WDR13: variants seen among roughly 807,000 people sequenced by gnomAD.
WDR13 encodes WD repeat domain 13.
A neutral mutation model predicts 28.6 loss-of-function variants in WDR13; 1 was observed. That is an observed-to-expected ratio of 0.03 (90% CI 0.01 to 0.17). The LOEUF is 0.17. Among genes scored for constraint, WDR13 ranks in the 10% least tolerant of loss-of-function variants. The probability of loss-of-function intolerance (pLI) is 1.00; values close to 1 mark genes in which losing one functional copy is unlikely to be tolerated. For synonymous variants in WDR13, 201 were observed against 185.9 expected, an observed-to-expected ratio of 1.08 and a Z score of -0.66; for missense variants, 264 against 469.3, an observed-to-expected ratio of 0.56 and a Z score of 4.04.
At chrX:48,604,444 G>A in intron 9 of WDR13, 54 bp downstream of exon 9, 4 of 1,076,311 alleles carry the variant, frequency 3.7e-6, no homozygotes, top group South Asian at 1.9e-5. Flanking sequence ...CAGGAACCAG[G>A]GCTGGTGCCA....
rs2062233833 is a variant in WDR13 at position 48,608,308 on chromosome X, G to C, written c.*3276G>C. ...CCCCAGCTGATTTTTGCAGAGATGG[G>C]TTTTGCCATGTTGCCCAGGCTGGCC... is the stretch of plus-strand genomic sequence containing the variant. On this transcript the variant is annotated 3_prime_UTR_variant, in exon 10 of 10. Coordinates refer to ENST00000376729, the MANE Select transcript of WDR13 (RefSeq NM_001347217.2). 9.1e-6 allele frequency: 1 copy of C among 110,113 alleles called. No individual in the cohort carries two copies. The highest frequency in any genetic ancestry group is 1.9e-5 in the Non-Finnish European group (1 of 52,879). The allele number at this position is 110,113 out of a possible 1,213,427, so 9.1% of individuals were successfully genotyped here.
rs2062235854 is a variant in WDR13 at position 48,608,738 on chromosome X, C to T, written c.*3706C>T. 9.0e-6 allele frequency: 1 copy of T among 111,434 alleles called. No individual in the cohort carries two copies. Among genetic ancestry groups the T allele is most frequent in the African/African-American group, 3.3e-5 (1 of 30,655 alleles). The allele number at this position is 111,434 out of a possible 1,213,427, so 9.2% of individuals were successfully genotyped here. On this transcript the variant is annotated 3_prime_UTR_variant, in exon 10 of 10. Transcript: ENST00000376729. ...TTGTTGTGCATGATTTTGGGGGTTT[C>T]CTCCTTGTGAAATTTTGAGGTGGCA...
chrX:48,598,344 T>TAC, intron 2 of WDR13: 1 of 1,014,496 alleles, frequency 9.9e-7, no homozygotes, highest in African/African-American at 2.0e-5. Flanking sequence ...TTTTTTTTTT[T>TAC]ACATCATCAC....
chrX:48,598,449 C>A, intron 2 of WDR13: 1 of 1,024,844 alleles, frequency 9.8e-7, no homozygotes, highest in Non-Finnish European at 1.2e-6. Flanking sequence ...TTATTGTCTG[C>A]GCTGACCCAG....
At chrX:48,600,678 G>C in intron 6 of WDR13, 52 bp downstream of exon 6, 1 of 1,159,319 alleles carries the variant, frequency 8.6e-7, no homozygotes, top group Non-Finnish European at 1.2e-6. Context: ...GGGTCAGGAA[G>C]GCTATCTGAG....
chrX:48,603,119 G>A lies in WDR13; in HGVS notation c.1154+913G>A, dbSNP rs374275731. ...CAACCTCCAACTCCTGGGCTCATGC[G>A]ATTCTCCCACCTCAGCCTAAGTAGC... is the stretch of plus-strand genomic sequence containing the variant. On this transcript the variant is annotated intron_variant, in intron 8 of 9. Coordinates refer to ENST00000376729, the MANE Select transcript of WDR13 (RefSeq NM_001347217.2). Among the ~76,000 whole-genome samples the A allele has an allele frequency of 5.3e-4, 59 of 111,951 alleles. No individual in the cohort carries two copies. The South Asian group carries it at 0.021, about 39-fold the overall frequency.
rs1312211023 is a variant in WDR13, at chrX:48,600,573, A to T, written c.778A>T (p.Ser260Cys). The change falls in exon 6 of 10, where the codon AGC (serine) becomes TGC (cysteine). Residue 260 changes from serine to cysteine, a missense_variant. Ser to Cys is a moderately radical substitution (Grantham distance 112). Transcript: ENST00000376729. ...RCIREIPDPD[S>C]AELLCCTFQP... ...CATCCGAGAGATCCCTGACCCCGATAGCGCTGAACTGCTCTGCTGCACCTT... is the reference window on the plus strand; with the variant it reads ...CATCCGAGAGATCCCTGACCCCGATTGCGCTGAACTGCTCTGCTGCACCTT... The T allele has an allele frequency of 8.3e-7, 1 of 1,210,139 alleles. No individual in the cohort carries two copies. Among genetic ancestry groups the T allele is most frequent in the Non-Finnish European group, 1.1e-6 (1 of 895,164 alleles).
rs782532735 is a variant in WDR13, at chrX:48,600,285, G to A, written c.524-34G>A. ...AGAGAGAAAAGTGCCCAGTGAGTGT[G>A]CAGATTCCCACTAATGGCTTCTTGG... On this transcript the variant is annotated intron_variant, in intron 5 of 9. Transcript: ENST00000376729. 3 of 1,162,066 alleles carry A rather than the reference G, an allele frequency of 2.6e-6. No homozygotes were observed. In the African/African-American group the frequency reaches 5.3e-5, roughly 20 times the overall value.
intron 3 of WDR13, 104 bp downstream of exon 3, chrX:48,599,061 C>T (rs1335202845): frequency 1.0e-5 from 11 of 1,056,265 alleles, no homozygotes; most frequent in Non-Finnish European, 1.4e-5. Flanking sequence ...TGTTCTGCAT[C>T]AGCAGAGGAC....
chrX:48,602,527 C>A (rs1002712757), intron 8 of WDR13, among the ~76,000 whole-genome samples: 15 of 101,215 alleles, frequency 1.5e-4, no homozygotes, highest in African/African-American at 5.2e-4. Context: ...TTTCTTCCTT[C>A]CTTCCTTTTT....
chrX:48,600,247 G>A (rs1220260328), intron 5 of WDR13, 72 bp from the exon 6 acceptor site: 14 of 1,118,561 alleles, frequency 1.3e-5, no homozygotes, highest in South Asian at 2.1e-5. Context: ...AGGCACACAC[G>A]TCAGAGCCTT....
chrX:48,599,247 C>A, intron 3 of WDR13, 106 bp from the exon 4 acceptor site: 1 of 684,809 alleles, frequency 1.5e-6, no homozygotes, highest in South Asian at 2.9e-5. Flanking sequence ...TGGCAGGGGA[C>A]ACAGTGAGAA....
chrX:48,598,419 C>T (rs782799837), intron 2 of WDR13: 18 of 1,008,500 alleles, frequency 1.8e-5, no homozygotes, highest in Non-Finnish European at 2.2e-5. Context: ...ATTTCTGTCG[C>T]CCTGGTATAC....
chrX:48,600,067 G>T, intron 5 of WDR13: 1 of 419,335 alleles, frequency 2.4e-6, no homozygotes, highest in Non-Finnish European at 4.1e-6. Context: ...TAAAGTGTTC[G>T]CTAAGACAGG....
Position 48,604,924 on chromosome X carries a change from G to C in WDR13, c.1350G>C (p.Gln450His), listed in dbSNP as rs782519758. 8.3e-7 allele frequency: 1 copy of C among 1,211,778 alleles called. No homozygotes were observed. The highest frequency in any genetic ancestry group is 3.0e-5 in the East Asian group (1 of 33,846). Residue 450 changes from glutamine to histidine, a missense_variant, in exon 10 of 10, where the codon CAG becomes CAC. By Grantham distance (24) the Gln-to-His change is conservative (BLOSUM62 0). Coordinates refer to ENST00000376729, the MANE Select transcript of WDR13 (RefSeq NM_001347217.2). ...CCAAGGCTGCTGTCAACAAGCTGCAGGGCCACAGTGCACCTGTGCTTGATG... is the reference window on the plus strand; with the variant it reads ...CCAAGGCTGCTGTCAACAAGCTGCACGGCCACAGTGCACCTGTGCTTGATG... Reference protein sequence around the residue: ...RAAKAAVNKLQGHSAPVLDVS... With the variant: ...RAAKAAVNKLHGHSAPVLDVS...
rs1602144339 is a variant in WDR13 at position 48,599,610 on chromosome X, C to T, written c.416C>T (p.Thr139Met). The change falls in exon 5 of 10, where the codon ACG becomes ATG. Residue 139 changes from threonine to methionine, a missense_variant. Coordinates refer to ENST00000376729, the MANE Select transcript of WDR13 (RefSeq NM_001347217.2). Reference sequence around the variant, plus strand: ...AGGCCCCCTGGCAGCGTGGTGCCCACGTCAGCAGCAGAGGCAAGTCGGGCC... The same window carrying T: ...AGGCCCCCTGGCAGCGTGGTGCCCATGTCAGCAGCAGAGGCAAGTCGGGCC... Reference protein sequence around the residue: ...EDRPPGSVVPTSAAEASRAMA... With the variant: ...EDRPPGSVVPMSAAEASRAMA... The T allele has an allele frequency of 1.6e-6, 2 of 1,212,644 alleles. No individual in the cohort carries two copies. Among genetic ancestry groups the T allele is most frequent in the Non-Finnish European group, 2.2e-6 (2 of 895,688 alleles).
rs1335116683 is a variant in WDR13, at chrX:48,605,242, C to T, written c.*210C>T. ...CATGCATCGACGGATTCATTCATTC[C>T]ACAAGCATTGATTGAATGTCTGCTG... is the stretch of plus-strand genomic sequence containing the variant. On this transcript the variant is annotated 3_prime_UTR_variant, in exon 10 of 10. Transcript: ENST00000376729. The T allele has an allele frequency of 6.8e-6, 3 of 443,101 alleles. No homozygotes were observed. The highest frequency in any genetic ancestry group is 7.6e-5 in the East Asian group (2 of 26,400). The allele number at this position is 443,101 out of a possible 1,213,427, so 36.5% of individuals were successfully genotyped here.
At position 48,605,146 on chromosome X, in the gene WDR13, G is replaced by C. The variant is rs2062214691; in HGVS notation, c.*114G>C. ...GCCGGCTCCCAGCTCTGCCGGGGACGGACAGGGCAGAGGGCAGCGGGCAGC... is the reference window on the plus strand; with the variant it reads ...GCCGGCTCCCAGCTCTGCCGGGGACCGACAGGGCAGAGGGCAGCGGGCAGC... On this transcript the variant is annotated 3_prime_UTR_variant, in exon 10 of 10. Coordinates refer to ENST00000376729, the MANE Select transcript of WDR13 (RefSeq NM_001347217.2). The C allele has an allele frequency of 1.0e-6, 1 of 972,299 alleles. No homozygotes were observed. Among genetic ancestry groups the C allele is most frequent in the Admixed American group, 3.1e-5 (1 of 31,980 alleles). The allele number at this position is 972,299 out of a possible 1,213,427, so 80.1% of individuals were successfully genotyped here. A position where few individuals can be genotyped will look rare whatever the true frequency, so the allele number is the denominator to read the frequency against.
intron 2 of WDR13, 52 bp downstream of exon 2, chrX:48,598,089 G>A (rs1556993198): frequency 1.7e-6 from 2 of 1,157,537 alleles, no homozygotes; most frequent in Non-Finnish European, 2.3e-6. Context: ...TGGTGCATGC[G>A]CAATGGCGAT....
Sources: gnomAD v4.1 joint callset for allele counts (sites outside exome capture counted in the v4.1 genomes callset) on GRCh38, gnomAD v4.1.1 for gene constraint, MANE v1.5 for transcripts, NCBI Gene and HGNC (gene_info 2026-07-23, HGNC 2026-07-21) for gene names.